Variants in ZFHX3 observed in about 807,000 individuals in gnomAD.
The protein encoded by ZFHX3 is zinc finger homeobox protein 3.
A neutral mutation model predicts 279.1 loss-of-function variants in ZFHX3; 42 were observed. That is an observed-to-expected ratio of 0.15 (90% CI 0.12 to 0.19). ZFHX3 has a LOEUF of 0.19. ZFHX3 is among the 10% of genes least tolerant of loss of function. ZFHX3 has a pLI of 1.00. For missense variants in ZFHX3, 4,981 were observed against 4,754.0 expected, an observed-to-expected ratio of 1.05 and a Z score of -1.40; for synonymous variants, 2,293 against 1,957.8, an observed-to-expected ratio of 1.17 and a Z score of -4.52.
At chr16:73,292,290 T>C (rs187275074) in intron 4 of ZFHX3, among the ~76,000 whole-genome samples, 1 of 152,180 alleles carries the variant, frequency 6.6e-6, no homozygotes. Context: ...CATGTGGGTA[T>C]AGATATTTCT....
At chr16:73,057,660 C>T (rs867484770) in intron 1 of ZFHX3, among the ~76,000 whole-genome samples, 8 of 151,772 alleles carry the variant, frequency 5.3e-5, no homozygotes, top group Non-Finnish European at 8.8e-5. Context: ...GCCAGCGGCG[C>T]AGCCCCGAGC....
intron 2 of ZFHX3, among the ~76,000 whole-genome samples, chr16:73,553,748 T>C (rs1247982966): frequency 6.6e-6 from 1 of 152,168 alleles, no homozygotes; most frequent in Non-Finnish European, 1.5e-5. Flanking sequence ...GATAGCACCA[T>C]AGACTCCAGG....
chr16:73,677,446 A>C (rs1048202408), intron 2 of ZFHX3, among the ~76,000 whole-genome samples: 6 of 151,570 alleles, frequency 4.0e-5, no homozygotes, highest in East Asian at 3.8e-4. Context: ...ACAACAACAA[A>C]AAATGAATTA....
intron 1 of ZFHX3, among the ~76,000 whole-genome samples, chr16:73,878,504 A>T (rs114336919): frequency 9.3e-4 from 141 of 152,330 alleles, no homozygotes; most frequent in Middle Eastern, 3.4e-3. Context: ...AAGTAGACTT[A>T]GGAAGACCAG....
intron 8 of ZFHX3, among the ~76,000 whole-genome samples, chr16:73,089,734 C>G (rs1346068797): frequency 6.6e-6 from 1 of 152,164 alleles, no homozygotes; most frequent in Admixed American, 6.5e-5. Flanking sequence ...ACCATGCTGC[C>G]CTGGGAGACT....
chr16:72,942,861 G>C (rs1350958533), intron 3 of ZFHX3, among the ~76,000 whole-genome samples: 1 of 152,148 alleles, frequency 6.6e-6, no homozygotes, highest in Admixed American at 6.5e-5. Context: ...TTCAATGAAG[G>C]CAAACTAATC....
chr16:73,499,433 G>C (rs992652577), intron 2 of ZFHX3: 3 of 152,228 alleles, frequency 2.0e-5, no homozygotes, highest in Admixed American at 2.0e-4. Flanking sequence ...TGACTGACGG[G>C]CTTTCTCTGA....
chr16:73,876,632 A>C lies in ZFHX3; in HGVS notation c.-1608+15019T>G, dbSNP rs558726088. Among the ~76,000 whole-genome samples, 265 of 152,352 alleles carry C rather than the reference A, an allele frequency of 1.7e-3. 2 individuals carry two copies. Among genetic ancestry groups the C allele is most frequent in the Non-Finnish European group, 3.1e-3 (210 of 68,038 alleles). ...GGAGAAAATACTTGAGTATAGAAAT[A>C]GTTCCTTTAATCAACTCCCCAGTTG... On this transcript the variant is annotated intron_variant, in intron 1 of 17. Coordinates refer to the ZFHX3 transcript ENST00000641206.
chr16:73,083,358 G>A (rs1965972766), intron 8 of ZFHX3: 1 of 152,220 alleles, frequency 6.6e-6, no homozygotes, highest in African/African-American at 2.4e-5. Flanking sequence ...TGGCTGGACA[G>A]GGACATCTGG....
chr16:73,577,077 G>T (rs528331562), intron 2 of ZFHX3, among the ~76,000 whole-genome samples: 80 of 152,216 alleles, frequency 5.3e-4, no homozygotes, highest in Non-Finnish European at 8.1e-4. Context: ...AATTTTACTG[G>T]CTCTGCTTAT....
intron 3 of ZFHX3, among the ~76,000 whole-genome samples, chr16:73,445,122 G>A (rs914382249): frequency 6.6e-6 from 1 of 151,832 alleles, no homozygotes; most frequent in Non-Finnish European, 1.5e-5. Flanking sequence ...GTGACAGAAC[G>A]AGACTGTCTG....
intron 1 of ZFHX3, among the ~76,000 whole-genome samples, chr16:73,742,575 G>A (rs1226883763): frequency 6.6e-6 from 1 of 152,160 alleles, no homozygotes; most frequent in Non-Finnish European, 1.5e-5. Flanking sequence ...TTCTTGGAGG[G>A]GTGAGGGTAG....
chr16:72,908,527 T>C (rs1469093796), intron 3 of ZFHX3, among the ~76,000 whole-genome samples: 1 of 152,208 alleles, frequency 6.6e-6, no homozygotes, highest in African/African-American at 2.4e-5. Flanking sequence ...GAGGAATTGA[T>C]TACTTGATCG....
At chr16:73,331,511 C>G (rs1482581782) in intron 3 of ZFHX3, among the ~76,000 whole-genome samples, 1 of 152,170 alleles carries the variant, frequency 6.6e-6, no homozygotes, top group Non-Finnish European at 1.5e-5. Flanking sequence ...TCTGTTGCCA[C>G]AGAACAAAAC....
chr16:73,491,471 C>T (rs825841), intron 2 of ZFHX3, among the ~76,000 whole-genome samples: 33,559 of 152,080 alleles, frequency 0.22, 4,157 homozygotes, highest in East Asian at 0.58. Flanking sequence ...ATTTTGAATA[C>T]GCTTCAAAAG....
intron 4 of ZFHX3, among the ~76,000 whole-genome samples, chr16:72,880,404 C>A (rs2038431665): frequency 6.6e-6 from 1 of 152,006 alleles, no homozygotes; most frequent in Admixed American, 6.6e-5. Context: ...TTAGGGTAGA[C>A]CCTAATCCAA....
intron 1 of ZFHX3, among the ~76,000 whole-genome samples, chr16:73,761,246 A>T (rs1392076228): frequency 6.6e-6 from 1 of 152,144 alleles, no homozygotes; most frequent in East Asian, 1.9e-4. Context: ...TGCTACAAAA[A>T]AAAATAAAAT....
rs532405250 is a variant in ZFHX3 at position 72,919,777 on chromosome 16, C to CTTTTTTTTTTTTT, written c.3217-29828_3217-29816dup. Among the ~76,000 whole-genome samples the CTTTTTTTTTTTTT allele has an allele frequency of 3.1e-4, 13 of 42,292 alleles. 4 individuals are homozygous for CTTTTTTTTTTTTT. The highest frequency in any genetic ancestry group is 3.1e-3 in the South Asian group (2 of 648). The allele number at this position is 42,292 out of a possible 152,430, so 27.7% of individuals were successfully genotyped here. On this transcript the variant is annotated intron_variant, in intron 3 of 9. Coordinates refer to ENST00000268489, the MANE Select transcript of ZFHX3 (RefSeq NM_006885.4). ...CAACTAAAACATGTATATGCACCAT[C>CTTTTTTTTTTTTT]TTTTTTTTTTTTTTTTTTTTTTTTT...
intron 3 of ZFHX3, among the ~76,000 whole-genome samples, chr16:72,941,769 C>T (rs1029552367): frequency 6.6e-6 from 1 of 152,086 alleles, no homozygotes; most frequent in Admixed American, 6.6e-5. Context: ...CCCAAGTCAC[C>T]ACCCTAATGT....
Sources: allele counts gnomAD v4.1 joint callset (sites outside exome capture counted in the v4.1 genomes callset), GRCh38; gene constraint gnomAD v4.1.1; transcripts MANE v1.5; gene names NCBI Gene and HGNC (gene_info 2026-07-23, HGNC 2026-07-21).